ANKIB1: variants seen among roughly 807,000 people sequenced by gnomAD.
The protein encoded by ANKIB1 is ankyrin repeat and IBR domain-containing protein 1.
In ANKIB1, 43 loss-of-function variants were observed where a neutral mutation model predicts 122.1. The ratio of observed to expected loss-of-function variants is 0.35; its 90% confidence interval spans 0.28 to 0.45. The LOEUF (loss-of-function observed/expected upper bound fraction) is 0.45, where lower values mean the gene tolerates loss of function less well. Among genes scored for constraint, ANKIB1 ranks in the 20% least tolerant of loss-of-function variants. The probability of loss-of-function intolerance (pLI) is 1.00; values close to 1 mark genes in which losing one functional copy is unlikely to be tolerated. For missense variants in ANKIB1, 992 were observed against 1,329.5 expected (o/e 0.75, Z 3.95); for synonymous variants, 390 against 442.0 (o/e 0.88, Z 1.48).
chr7:92,282,978 G>T (rs1269937468), intron 1 of ANKIB1, among the ~76,000 whole-genome samples: 1 of 152,088 alleles, frequency 6.6e-6, no homozygotes, highest in African/African-American at 2.4e-5. Flanking sequence ...TTGCCAGTTT[G>T]TCAAAAAGAG....
intron 3 of ANKIB1, among the ~76,000 whole-genome samples, chr7:92,308,042 T>C (rs1802604096): frequency 6.6e-6 from 1 of 151,990 alleles, no homozygotes; most frequent in Non-Finnish European, 1.5e-5. Flanking sequence ...CAGCTAATTT[T>C]TGTATTTTTA....
chr7:92,361,427 C>T (rs953912559), intron 9 of ANKIB1, among the ~76,000 whole-genome samples: 8 of 152,116 alleles, frequency 5.3e-5, no homozygotes, highest in African/African-American at 1.9e-4. Context: ...GAAGAAGGTT[C>T]ATTTGGTAAT....
intron 4 of ANKIB1, chr7:92,326,018 T>C (rs1296316641): frequency 7.1e-6 from 3 of 420,410 alleles, no homozygotes; most frequent in Non-Finnish European, 1.4e-5. Flanking sequence ...GGTACTTTCA[T>C]TTTAATCTGT....
chr7:92,307,747 A>G (rs1585099388), intron 3 of ANKIB1, 91 bp downstream of exon 3: 14 of 984,046 alleles, frequency 1.4e-5, no homozygotes, highest in Middle Eastern at 3.6e-4. Context: ...TGATTGTCTT[A>G]GTAATTTGGT....
chr7:92,283,587 C>T (rs150433584), intron 1 of ANKIB1, among the ~76,000 whole-genome samples: 1 of 151,948 alleles, frequency 6.6e-6, no homozygotes, highest in Non-Finnish European at 1.5e-5. Flanking sequence ...ATTCTGTGTC[C>T]CCTTCAGTTA....
At chr7:92,331,200 G>T (rs1048661704) in intron 5 of ANKIB1, among the ~76,000 whole-genome samples, 4 of 151,818 alleles carry the variant, frequency 2.6e-5, no homozygotes, top group African/African-American at 7.3e-5. Context: ...ATTTAGATTA[G>T]GTAGGATGTG....
At chr7:92,381,956 A>G (rs1804525465) in intron 11 of ANKIB1, among the ~76,000 whole-genome samples, 1 of 152,232 alleles carries the variant, frequency 6.6e-6, no homozygotes, top group Admixed American at 6.5e-5. Flanking sequence ...CAAATTGGAT[A>G]AAGAGTCAAG....
chr7:92,378,230 A>AT (rs920462310), intron 11 of ANKIB1, among the ~76,000 whole-genome samples: 9 of 151,400 alleles, frequency 5.9e-5, no homozygotes, highest in African/African-American at 1.7e-4. Context: ...AGGATTTCAG[A>AT]TTTTTTTTTC....
At chr7:92,318,198 TTATGAG>T (rs1802832494) in intron 3 of ANKIB1, among the ~76,000 whole-genome samples, 2 of 152,192 alleles carry the variant, frequency 1.3e-5, no homozygotes, top group African/African-American at 2.4e-5. Flanking sequence ...TACTATATTA[TTATGAG>T]TATGACTGAA....
intron 11 of ANKIB1, among the ~76,000 whole-genome samples, chr7:92,379,732 C>CA (rs1004967628): frequency 2.0e-5 from 3 of 152,078 alleles, no homozygotes; most frequent in African/African-American, 7.2e-5. Context: ...CCAAATGACT[C>CA]AAAGATTTAA....
chr7:92,336,921 G>C (rs867005590), intron 5 of ANKIB1, among the ~76,000 whole-genome samples: 5 of 152,122 alleles, frequency 3.3e-5, no homozygotes, highest in South Asian at 2.1e-4. Flanking sequence ...GAGTTGGTCT[G>C]ATAGTAGCTA....
At chr7:92,386,997 G>A (rs1278670223) in intron 12 of ANKIB1, among the ~76,000 whole-genome samples, 1 of 152,096 alleles carries the variant, frequency 6.6e-6, no homozygotes, top group Non-Finnish European at 1.5e-5. Flanking sequence ...AGACTGGGTG[G>A]CTTACCAGAA....
At chr7:92,336,387 A>G (rs905023275) in intron 5 of ANKIB1, among the ~76,000 whole-genome samples, 2 of 151,498 alleles carry the variant, frequency 1.3e-5, no homozygotes, top group African/African-American at 2.4e-5. Context: ...TTTACAAACT[A>G]TTTTTCTTTA....
At chr7:92,271,678 A>T (rs897017474) in intron 1 of ANKIB1, among the ~76,000 whole-genome samples, 2 of 152,232 alleles carry the variant, frequency 1.3e-5, no homozygotes, top group Admixed American at 1.3e-4. Context: ...AGATGACAAG[A>T]AAGAGCTATA....
chr7:92,394,606 C>G (rs906327826), intron 17 of ANKIB1, among the ~76,000 whole-genome samples: 1 of 152,110 alleles, frequency 6.6e-6, no homozygotes, highest in Non-Finnish European at 1.5e-5. Context: ...AGCAAATTAT[C>G]CCTAATATAA....
intron 1 of ANKIB1, among the ~76,000 whole-genome samples, chr7:92,263,784 G>A (rs1801611441): frequency 6.6e-6 from 1 of 152,158 alleles, no homozygotes. Flanking sequence ...CTTATGTTCA[G>A]TGTTACACTG....
chr7:92,371,748 C>A, intron 11 of ANKIB1, 141 bp downstream of exon 11: 1 of 950,226 alleles, frequency 1.1e-6, no homozygotes, highest in Non-Finnish European at 1.5e-6. Context: ...GAGGTTGAGG[C>A]AGGAGGATCA....
chr7:92,285,686 A>G (rs1184865362), intron 1 of ANKIB1, among the ~76,000 whole-genome samples: 3 of 152,236 alleles, frequency 2.0e-5, no homozygotes, highest in Non-Finnish European at 4.4e-5. Flanking sequence ...TATACATAAC[A>G]CTGAATTACA....
intron 7 of ANKIB1, among the ~76,000 whole-genome samples, chr7:92,348,627 G>A (rs1306296579): frequency 4.6e-5 from 7 of 152,040 alleles, no homozygotes; most frequent in African/African-American, 7.2e-5. Flanking sequence ...CTTGTGATCC[G>A]CCTACCTCGG....
Sources: allele counts gnomAD v4.1 joint callset (sites outside exome capture counted in the v4.1 genomes callset), GRCh38; gene constraint gnomAD v4.1.1; transcripts MANE v1.5; gene names NCBI Gene and HGNC (gene_info 2026-07-23, HGNC 2026-07-21).